The following MANBA variants were observed in gnomAD, a reference collection of about 807,000 sequenced individuals.
The protein encoded by MANBA is mannosidase beta.
Under a neutral mutation model 111.1 loss-of-function variants are expected in MANBA, and 83 were observed. That is an observed-to-expected ratio of 0.75 (90% CI 0.63 to 0.90). MANBA has a LOEUF of 0.90. MANBA is among the 40% of genes least tolerant of loss of function. The pLI is 0.00. For missense variants in MANBA, 1,036 were observed against 1,069.0 expected (o/e 0.97, Z 0.43); for synonymous variants, 370 against 378.7 (o/e 0.98, Z 0.27).
intron 12 of MANBA, among the ~76,000 whole-genome samples, chr4:102,657,169 C>T (rs540359611): frequency 4.7e-4 from 59 of 126,060 alleles, no homozygotes; most frequent in African/African-American, 1.8e-3. Context: ...AAAATCCATA[C>T]AGAAAATAAA....
At chr4:102,713,911 A>AAAAAG (rs1397786193) in intron 5 of MANBA, among the ~76,000 whole-genome samples, 2 of 151,482 alleles carry the variant, frequency 1.3e-5, no homozygotes, top group East Asian at 1.9e-4. Context: ...AAAAAAAAAA[A>AAAAAG]AAAAGAAAAG....
In MANBA at chr4:102,634,728, A is replaced by C. The variant is rs1729537818; in HGVS notation, c.2415+60T>G. ...ATCTCAGGATGCAAGGAGCTGGCCC[A>C]AGAGCAGGAGAACCCCACAAGGCCA... is the stretch of plus-strand genomic sequence containing the variant. On this transcript the variant is annotated intron_variant, in intron 16 of 16. Coordinates refer to ENST00000647097, the MANE Select transcript of MANBA (RefSeq NM_005908.4). The C allele has an allele frequency of 3.7e-6, 6 of 1,606,708 alleles. No individual in the cohort carries two copies. The Admixed American group carries it at 8.3e-5, about 22-fold the overall frequency.
intron 2 of MANBA, among the ~76,000 whole-genome samples, chr4:102,725,935 G>A (rs1376014468): frequency 6.6e-6 from 1 of 152,084 alleles, no homozygotes; most frequent in Admixed American, 6.5e-5. Flanking sequence ...AGTTTTAAGG[G>A]GGAAAATCAA....
chr4:102,689,439 C>T (rs75642702), intron 7 of MANBA, 135 bp downstream of exon 7: 2 of 563,230 alleles, frequency 3.6e-6, no homozygotes, highest in Non-Finnish European at 6.4e-6. Flanking sequence ...CTTTTGAATG[C>T]TGTTACTAAA....
intron 12 of MANBA, among the ~76,000 whole-genome samples, chr4:102,651,439 C>T (rs1730329715): frequency 2.6e-5 from 4 of 151,902 alleles, no homozygotes; most frequent in Admixed American, 2.6e-4. Context: ...TGGAGTATAC[C>T]TTCTACAAAA....
intron 14 of MANBA, among the ~76,000 whole-genome samples, chr4:102,639,189 C>T (rs1729759179): frequency 6.6e-6 from 1 of 152,168 alleles, no homozygotes; most frequent in African/African-American, 2.4e-5. Context: ...ACTAGCTTTT[C>T]CCCAAGAGCT....
chr4:102,662,371 C>T (rs1731002829), intron 11 of MANBA, among the ~76,000 whole-genome samples: 1 of 151,848 alleles, frequency 6.6e-6, no homozygotes, highest in Admixed American at 6.6e-5. Flanking sequence ...GAAACCCTGT[C>T]TCTATGAAAA....
intron 13 of MANBA, among the ~76,000 whole-genome samples, chr4:102,649,400 T>G (rs1208638546): frequency 6.6e-6 from 1 of 152,228 alleles, no homozygotes; most frequent in Non-Finnish European, 1.5e-5. Context: ...GCTGTCTCGC[T>G]TCCTCACCAG....
intron 1 of MANBA, among the ~76,000 whole-genome samples, chr4:102,757,329 C>CA (rs1195923041): frequency 0.021 from 2,673 of 127,358 alleles, 29 homozygotes; most frequent in Non-Finnish European, 0.03. Flanking sequence ...AACTCCGTCT[C>CA]AAAAAAAAAA....
intron 5 of MANBA, among the ~76,000 whole-genome samples, chr4:102,699,708 C>T (rs1203100011): frequency 6.6e-6 from 1 of 150,596 alleles, no homozygotes; most frequent in African/African-American, 2.5e-5. Flanking sequence ...GGGATGAAGC[C>T]CACTTGATCA....
At chr4:102,645,956 T>A (rs1271218579) in intron 13 of MANBA, among the ~76,000 whole-genome samples, 1 of 152,136 alleles carries the variant, frequency 6.6e-6, no homozygotes, top group Non-Finnish European at 1.5e-5. Context: ...TTATTGCAAC[T>A]GTGAAGGGAT....
intron 2 of MANBA, among the ~76,000 whole-genome samples, chr4:102,724,356 G>A (rs1408335619): frequency 1.3e-5 from 2 of 152,152 alleles, no homozygotes; most frequent in East Asian, 1.9e-4. Context: ...TCAGGAGTTC[G>A]AGACCATCCT....
chr4:102,752,498 G>A (rs1723846243), intron 1 of MANBA: 1 of 736,212 alleles, frequency 1.4e-6, no homozygotes, highest in African/African-American at 1.7e-5. Context: ...TGGGATACAA[G>A]AAGTTGTATG....
intron 1 of MANBA, among the ~76,000 whole-genome samples, chr4:102,746,623 A>G (rs970966411): frequency 6.6e-6 from 1 of 152,214 alleles, no homozygotes; most frequent in Non-Finnish European, 1.5e-5. Context: ...TTTATTTTGC[A>G]TAACTCTCTA....
chr4:102,658,077 C>T (rs1425963622), intron 11 of MANBA, among the ~76,000 whole-genome samples, 177 bp from the exon 12 acceptor site: 1 of 152,228 alleles, frequency 6.6e-6, no homozygotes, highest in African/African-American at 2.4e-5. Context: ...CTGCTCTTCG[C>T]CAATCCTTTA....
intron 1 of MANBA, among the ~76,000 whole-genome samples, chr4:102,741,187 T>C (rs560228013): frequency 3.3e-5 from 5 of 151,206 alleles, no homozygotes; most frequent in Non-Finnish European, 5.9e-5. Context: ...GCAGAAAAAA[T>C]TTAAAAATGT....
chr4:102,730,120 G>C (rs1018710716), intron 1 of MANBA: 8 of 1,177,882 alleles, frequency 6.8e-6, no homozygotes, highest in Admixed American at 2.5e-5. Flanking sequence ...CTGAAGGCCC[G>C]GGGCCCAGAG....
At chr4:102,703,318 C>G (rs539399472) in intron 5 of MANBA, among the ~76,000 whole-genome samples, 1 of 152,312 alleles carries the variant, frequency 6.6e-6, no homozygotes, top group South Asian at 2.1e-4. Flanking sequence ...CTCCATCTTG[C>G]TTGTAACATT....
intron 2 of MANBA, among the ~76,000 whole-genome samples, chr4:102,725,288 G>A (rs1282268612): frequency 6.6e-6 from 1 of 152,084 alleles, no homozygotes; most frequent in Non-Finnish European, 1.5e-5. Context: ...AAACTAGGTA[G>A]AAATGACTGG....
Sources: gnomAD v4.1 joint callset for allele counts (sites outside exome capture counted in the v4.1 genomes callset) on GRCh38, gnomAD v4.1.1 for gene constraint, MANE v1.5 for transcripts, NCBI Gene and HGNC (gene_info 2026-07-23, HGNC 2026-07-21) for gene names.